The following ATG2A variants were observed in gnomAD, a reference collection of about 807,000 sequenced individuals.
ATG2A encodes autophagy-related protein 2 homolog A.
ATG2A carries 103 observed loss-of-function variants against 214.2 expected under a neutral mutation model. The observed-to-expected ratio is 0.48, with a 90% CI of 0.41 to 0.57. ATG2A has a LOEUF of 0.57. Among genes scored for constraint, ATG2A ranks in the 20% least tolerant of loss-of-function variants. The pLI is 0.00. For missense variants in ATG2A, 2,312 were observed against 2,613.2 expected (o/e 0.88, Z 2.51); for synonymous variants, 1,160 against 1,142.1 (o/e 1.02, Z -0.32).
Position 64,895,103 on chromosome 11 carries a change from G to A in ATG2A, c.5687C>T (p.Thr1896Ile), listed in dbSNP as rs139262108. Residue 1896 changes from threonine (T) to isoleucine (I), a missense_variant, in exon 41 of 41, where the codon ACT (threonine) becomes ATT (isoleucine). By Grantham distance (89) the Thr-to-Ile change is moderately conservative. Coordinates refer to ENST00000377264, the MANE Select transcript of ATG2A (RefSeq NM_015104.3). The surrounding 1 kb of genome is among the most constrained non-coding windows in gnomAD (Gnocchi z 5.0). ...GGCCAGGATGAGCGGCTTCACCACA[G>A]TCGGGGGCAGCTGGCGGATCACGCC... ...VGGVIRQLPP[T>I]VVKPLILATE... The A allele has an allele frequency of 1.4e-4, 225 of 1,612,922 alleles. No homozygotes were observed. Among genetic ancestry groups the A allele is most frequent in the Non-Finnish European group, 7.7e-5 (91 of 1,179,816 alleles).
rs768196765 is a variant in ATG2A, at chr11:64,910,041, A to G, written c.1862T>C (p.Leu621Pro). ...TVPAEPPAGL[L>P]TEPLPAMEQQ... ...CTGGCCCTGGCAGGGGCCTCTCACC[A>G]GCAGGCCGGCTGGAGGCTCAGCAGG... Residue 621 changes from leucine (L) to proline (P), a missense_variant and splice_region_variant, in exon 13 of 41, where the codon CTG becomes CCG. Physicochemically the swap from Leu to Pro is moderately conservative, Grantham distance 98 (BLOSUM62 -3). Transcript: ENST00000377264. 1 of 1,575,522 alleles carries G rather than the reference A, an allele frequency of 6.3e-7. No individual in the cohort carries two copies. Among genetic ancestry groups the G allele is most frequent in the Non-Finnish European group, 8.6e-7 (1 of 1,161,820 alleles).
At chr11:64,906,966 T>A in intron 19 of ATG2A, 151 bp from the exon 20 acceptor site, 1 of 1,077,246 alleles carries the variant, frequency 9.3e-7, no homozygotes, top group Non-Finnish European at 1.3e-6. Context: ...GGCACTTGCC[T>A]CTTTTGCCAG....
intron 31 of ATG2A, among the ~76,000 whole-genome samples, 180 bp from the exon 32 acceptor site, chr11:64,899,022 T>G (rs1285663089): frequency 2.0e-5 from 3 of 152,192 alleles, no homozygotes; most frequent in African/African-American, 7.2e-5. Context: ...CAAGCGATTC[T>G]CCTGCCTCAG....
Position 64,902,340 on chromosome 11 carries a change from G to T in ATG2A, c.3824C>A (p.Thr1275Lys). The T allele has an allele frequency of 6.2e-7, 1 of 1,607,100 alleles. No homozygotes were observed. Among genetic ancestry groups the T allele is most frequent in the Admixed American group, 1.7e-5 (1 of 59,358 alleles). Residue 1275 changes from threonine to lysine, a missense_variant, in exon 28 of 41, where the codon ACG becomes AAG. Transcript: ENST00000377264. Reference protein sequence around the residue: ...ASLPSCPPVETALINQRDLAD... With the variant: ...ASLPSCPPVEKALINQRDLAD... ...CAGGTCACGCTGGTTGATGAGGGCC[G>T]TCTCCACTGGGGGGCACGAGGGCAG...
intron 31 of ATG2A, among the ~76,000 whole-genome samples, chr11:64,899,672 C>T (rs1230575046): frequency 6.6e-6 from 1 of 152,114 alleles, no homozygotes. Flanking sequence ...TGGCCAGCCC[C>T]CATCTAGGCT....
intron 21 of ATG2A, 54 bp downstream of exon 21, chr11:64,906,280 A>AC: frequency 6.2e-7 from 1 of 1,607,736 alleles, no homozygotes; most frequent in Non-Finnish European, 8.5e-7. Flanking sequence ...CCCACCGCAC[A>AC]CCGGGGCTGC....
Position 64,897,937 on chromosome 11 carries a change from C to T in ATG2A, c.4896G>A (p.Leu1632=). The change falls in exon 35 of 41, where the codon CTG becomes CTA. Residue 1632 remains leucine, a synonymous_variant. Coordinates refer to ENST00000377264, the MANE Select transcript of ATG2A (RefSeq NM_015104.3). The part of the protein sequence containing the change: ...PETRAQPSSP[L]EGQAEGVETT... ...TCTCTACGCCTTCGGCCTGCCCTTC[C>T]AGGGGGCTGCTGGGCTGGGCTCGAG... 2 of 1,549,094 alleles carry T rather than the reference C, an allele frequency of 1.3e-6. No individual in the cohort carries two copies. Among genetic ancestry groups the T allele is most frequent in the South Asian group, 1.2e-5 (1 of 80,068 alleles).
In ATG2A at chr11:64,895,029, G is replaced by C; in HGVS notation, c.5761C>G (p.Pro1921Ala). 3 of 1,613,330 alleles carry C rather than the reference G, an allele frequency of 1.9e-6. No homozygotes were observed. The African/African-American group carries it at 4.0e-5, about 21-fold the overall frequency. ...AGGGCGTGGTCCTTGTGGGCGTCGGGGACAATCTGGTTGCGCATGCCCCCG... is the reference window on the plus strand; with the variant it reads ...AGGGCGTGGTCCTTGTGGGCGTCGGCGACAATCTGGTTGCGCATGCCCCCG... Reference protein sequence around the residue: ...LLGGMRNQIVPDAHKDHALKW... With the variant: ...LLGGMRNQIVADAHKDHALKW... Residue 1921 changes from proline to alanine, a missense_variant, in exon 41 of 41, where the codon CCC (proline) becomes GCC (alanine). Physicochemically the swap from Pro to Ala is conservative, Grantham distance 27 (BLOSUM62 -1). Transcript: ENST00000377264. This position sits in a 1 kb window ranked among gnomAD's most constrained non-coding sequence, Gnocchi z 5.0.
chr11:64,897,274 C>T, intron 37 of ATG2A, 138 bp downstream of exon 37: 1 of 1,024,944 alleles, frequency 9.8e-7, no homozygotes, highest in Non-Finnish European at 1.4e-6. Context: ...CATGCCCAGC[C>T]AACTGCGTCC....
At position 64,914,198 on chromosome 11, in the gene ATG2A, A is replaced by G. The variant is rs1944889495; in HGVS notation, c.370T>C (p.Cys124Arg). The G allele has an allele frequency of 6.4e-6, 10 of 1,553,830 alleles. No individual in the cohort carries two copies. Among genetic ancestry groups the G allele is most frequent in the Admixed American group, 1.9e-5 (1 of 51,344 alleles). ...GCCAGCTGCAGGCTTGTGGTCATGC[A>G]TGAGGCCCAGCTCTGTGAGTCGGCA... is the stretch of plus-strand genomic sequence containing the variant. ...GAADSQSWAS[C>R]MTTSLQLAQE... The change falls in exon 3 of 41, where the codon TGC becomes CGC. Residue 124 changes from cysteine to arginine, a missense_variant. Coordinates refer to ENST00000377264, the MANE Select transcript of ATG2A (RefSeq NM_015104.3).
chr11:64,913,375 C>A lies in ATG2A; in HGVS notation c.617G>T (p.Arg206Leu). 6.3e-7 allele frequency: 1 copy of A among 1,596,520 alleles called. No individual in the cohort carries two copies. The highest frequency in any genetic ancestry group is 2.3e-5 in the East Asian group (1 of 44,168). Reference sequence around the variant, plus strand: ...CACCGGCGGCGCCTGGCTTGGGTCCCGCACTGCCTCATCACAGTACTCCAG... The same window carrying A: ...CACCGGCGGCGCCTGGCTTGGGTCCAGCACTGCCTCATCACAGTACTCCAG... ...QRLEYCDEAV[R>L]DPSQAPPVDV... The change falls in exon 5 of 41, where the codon CGG becomes CTG. Residue 206 changes from arginine to leucine, a missense_variant. Arg to Leu is a moderately radical substitution (Grantham distance 102). Transcript: ENST00000377264. The surrounding 1 kb of genome is among the most constrained non-coding windows in gnomAD (Gnocchi z 4.3).
chr11:64,895,090 C>T lies in ATG2A; in HGVS notation c.5700G>A (p.Pro1900=), dbSNP rs150676744. The change falls in exon 41 of 41, where the codon CCG becomes CCA. Residue 1900 remains proline (P), a synonymous_variant. Transcript: ENST00000377264. This position sits in a 1 kb window ranked among gnomAD's most constrained non-coding sequence, Gnocchi z 5.0. ...ACGTGGCCTCCGTGGCCAGGATGAG[C>T]GGCTTCACCACAGTCGGGGGCAGCT... ...IRQLPPTVVK[P]LILATEATSS... is the part of the protein sequence containing the mutation. The T allele has an allele frequency of 2.1e-4, 339 of 1,612,926 alleles. No homozygotes were observed. The highest frequency in any genetic ancestry group is 1.4e-3 in the African/African-American group (102 of 75,046).
rs1343152012 is a variant in ATG2A at position 64,901,890 on chromosome 11, CCT to C, written c.4119+70_4119+71del. ...AGCTCCAGATGGCCAGGCAACCACC[CCT>C]GAGTGTTCCGTCCCCGCTCCAAACA... is the stretch of plus-strand genomic sequence containing the variant. On this transcript the variant is annotated intron_variant, in intron 29 of 40. Coordinates refer to ENST00000377264, the MANE Select transcript of ATG2A (RefSeq NM_015104.3). 3.2e-6 allele frequency: 5 copies of C among 1,555,784 alleles called. No individual in the cohort carries two copies. In the African/African-American group the frequency reaches 4.1e-5, roughly 13 times the overall value.
intron 39 of ATG2A, among the ~76,000 whole-genome samples, chr11:64,896,221 G>A (rs568956612): frequency 6.6e-6 from 1 of 152,346 alleles, no homozygotes; most frequent in Non-Finnish European, 1.5e-5. Flanking sequence ...GACACAGTGG[G>A]CTCTGAAGGC....
At chr11:64,906,291 A>G (rs966241893) in intron 21 of ATG2A, 43 bp downstream of exon 21, 1 of 1,608,128 alleles carries the variant, frequency 6.2e-7, no homozygotes, top group Non-Finnish European at 8.5e-7. Flanking sequence ...CCGGGGCTGC[A>G]GCCCAGGCTA....
Position 64,902,089 on chromosome 11 carries a change from C to G in ATG2A, c.3992G>C (p.Gly1331Ala). The G allele has an allele frequency of 6.2e-7, 1 of 1,613,938 alleles. No homozygotes were observed. The highest frequency in any genetic ancestry group is 8.5e-7 in the Non-Finnish European group (1 of 1,179,994). ...TGACCCTAAGCTGCCAGCAGGGCCC[C>G]CGACAGGTGGTGAAGGGGGTGGGGC... is the stretch of plus-strand genomic sequence containing the variant. ...SGAPPPSPPV[G>A]GPAGSLGSCS... The change falls in exon 29 of 41, where the codon GGG (glycine) becomes GCG (alanine). Residue 1331 changes from glycine to alanine, a missense_variant. Coordinates refer to ENST00000377264, the MANE Select transcript of ATG2A (RefSeq NM_015104.3).
chr11:64,911,587 C>T (rs537197929), intron 9 of ATG2A, among the ~76,000 whole-genome samples: 1 of 152,288 alleles, frequency 6.6e-6, no homozygotes, highest in South Asian at 2.1e-4. Context: ...CTGATCTCAC[C>T]CTTCTCTTCC....
Position 64,910,802 on chromosome 11 carries a change from C to A in ATG2A, c.1614+5G>T. On this transcript the variant is annotated splice_donor_5th_base_variant and intron_variant, in intron 11 of 40. Transcript: ENST00000377264. The stretch of plus-strand genomic sequence containing the variant: ...GCCTCGTACACATTCTGCCTCTGCC[C>A]TCACCTCCGTGTACTCAGGCTCAGA... 1 of 1,610,512 alleles carries A rather than the reference C, an allele frequency of 6.2e-7. No individual in the cohort carries two copies. Among genetic ancestry groups the A allele is most frequent in the East Asian group, 2.2e-5 (1 of 44,648 alleles).
At position 64,913,914 on chromosome 11, in the gene ATG2A, C is replaced by A. The variant is rs1169896574; in HGVS notation, c.497G>T (p.Arg166Met). ...FAQTIETVLRRIKVTFLDTVV... is the reference protein window; with the variant it reads ...FAQTIETVLRMIKVTFLDTVV... ...AGTGTCCAGGAAGGTCACTTTGATC[C>A]TCCGAAGCACTGAGGAGTTGGGGAG... Residue 166 changes from arginine (R) to methionine (M), a missense_variant, in exon 4 of 41, where the codon AGG (arginine) becomes ATG (methionine). Physicochemically the swap from Arg to Met is moderately conservative, Grantham distance 91 (BLOSUM62 -1). Transcript: ENST00000377264. This position sits in a 1 kb window ranked among gnomAD's most constrained non-coding sequence, Gnocchi z 4.3. The A allele has an allele frequency of 1.2e-6, 2 of 1,613,836 alleles. No homozygotes were observed. The highest frequency in any genetic ancestry group is 3.3e-5 in the Admixed American group (2 of 59,984).
Sources: allele counts gnomAD v4.1 joint callset (sites outside exome capture counted in the v4.1 genomes callset), GRCh38; gene constraint gnomAD v4.1.1; non-coding constraint Gnocchi (gnomAD v3.1); transcripts MANE v1.5; gene names NCBI Gene and HGNC (gene_info 2026-07-23, HGNC 2026-07-21).